Variants in FSBP observed in about 807,000 individuals in gnomAD.
FSBP encodes fibrinogen silencer-binding protein.
Under a neutral mutation model 24.6 loss-of-function variants are expected in FSBP, and 18 were observed. The observed-to-expected ratio is 0.73, with a 90% confidence interval of 0.51 to 1.08. FSBP has a LOEUF of 1.08. Ranked by LOEUF, FSBP falls within the 50% of genes least tolerant of loss-of-function variation. The pLI is 0.00. For synonymous variants in FSBP, 110 were observed against 125.8 expected, an observed-to-expected ratio of 0.87 and a Z score of 0.84; for missense variants, 305 against 347.6, an observed-to-expected ratio of 0.88 and a Z score of 0.98.
Position 94,430,884 on chromosome 8 carries a change from T to C in FSBP, c.*1247A>G. On this transcript the variant is annotated 3_prime_UTR_variant, in exon 2 of 2. Transcript: ENST00000481490. The stretch of plus-strand genomic sequence containing the variant: ...CCAGGATACTACAGCCCAAATTGAC[T>C]CTCTCTACATTCACTTAAAATCAAT... 2.0e-6 allele frequency: 2 copies of C among 985,376 alleles called. No individual in the cohort carries two copies. Among genetic ancestry groups the C allele is most frequent in the Non-Finnish European group, 2.4e-6 (2 of 829,920 alleles). The allele number at this position is 985,376 out of a possible 1,614,324, so 61.0% of individuals were successfully genotyped here. A position where few individuals can be genotyped will look rare whatever the true frequency, so the allele number is the denominator to read the frequency against.
intron 1 of FSBP, among the ~76,000 whole-genome samples, chr8:94,434,167 T>C (rs1254956418): frequency 1.3e-5 from 2 of 151,886 alleles, no homozygotes; most frequent in African/African-American, 2.4e-5. Context: ...AAGGCTAAAA[T>C]TGCATATGAA....
At position 94,430,295 on chromosome 8, in the gene FSBP, A is replaced by T; in HGVS notation, c.*1836T>A. 2 of 945,868 alleles carry T rather than the reference A, an allele frequency of 2.1e-6. No homozygotes were observed. The highest frequency in any genetic ancestry group is 9.8e-5 in the South Asian group (2 of 20,326). The allele number at this position is 945,868 out of a possible 1,614,324, so 58.6% of individuals were successfully genotyped here. ...CACTGCACTCCAACCTAGGTGACAA[A>T]GCAAGACTCCATCTCAAAAAAAAAA... On this transcript the variant is annotated 3_prime_UTR_variant, in exon 2 of 2. Coordinates refer to ENST00000481490, the MANE Select transcript of FSBP (RefSeq NM_001256141.2).
intron 1 of FSBP, among the ~76,000 whole-genome samples, chr8:94,435,180 G>A (rs966538330): frequency 6.6e-6 from 1 of 151,946 alleles, no homozygotes; most frequent in African/African-American, 2.4e-5. Flanking sequence ...GTAGTTTTCT[G>A]GATATCTAGC....
intron 1 of FSBP, among the ~76,000 whole-genome samples, chr8:94,435,598 A>C (rs1288589322): frequency 6.6e-6 from 1 of 152,086 alleles, no homozygotes; most frequent in Non-Finnish European, 1.5e-5. Context: ...TGCCATTTTT[A>C]TATTTTGCCA....
At chr8:94,435,897 A>T (rs1343537103) in intron 1 of FSBP, among the ~76,000 whole-genome samples, 1 of 152,154 alleles carries the variant, frequency 6.6e-6, no homozygotes, top group East Asian at 1.9e-4. Context: ...CTAATTAGGC[A>T]TTAACTCCCT....
At chr8:94,434,578 T>C (rs1812205667) in intron 1 of FSBP, among the ~76,000 whole-genome samples, 1 of 151,864 alleles carries the variant, frequency 6.6e-6, no homozygotes, top group African/African-American at 2.4e-5. Flanking sequence ...AAGGAAGAGT[T>C]TGGTAAGATT....
At position 94,430,186 on chromosome 8, in the gene FSBP, C is replaced by CT. The variant is rs1812053041; in HGVS notation, c.*1944dup. On this transcript the variant is annotated 3_prime_UTR_variant, in exon 2 of 2. Transcript: ENST00000481490. ...AAATTAGCCAGGCATGGTGGTGCGC[C>CT]TGTAGTCCCAGCTACTTGGGAAGCT... 3.3e-6 allele frequency: 2 copies of CT among 605,324 alleles called. No individual in the cohort carries two copies. The highest frequency in any genetic ancestry group is 4.0e-5 in the African/African-American group (2 of 49,562). 37.5% of individuals were successfully genotyped at this position (605,324 alleles called of 1,614,324 possible).
At chr8:94,432,682 A>C (rs930486292) in intron 1 of FSBP, 26 bp from the exon 2 acceptor site, 10 of 1,446,332 alleles carry the variant, frequency 6.9e-6, no homozygotes, top group Non-Finnish European at 9.1e-6. Context: ...AAGCATTATA[A>C]TATGTAAATC....
At position 94,431,942 on chromosome 8, in the gene FSBP, A is replaced by C. The variant is rs13275820; in HGVS notation, c.*189T>G. On this transcript the variant is annotated 3_prime_UTR_variant, in exon 2 of 2. Transcript: ENST00000481490. ...AAAAAAGAAGACAATAAAAACTATA[A>C]CCATGCCAACCAACCAGTAAATTTT... 7.8e-7 allele frequency: 1 copy of C among 1,279,520 alleles called. No individual in the cohort carries two copies. The highest frequency in any genetic ancestry group is 3.6e-5 in the Admixed American group (1 of 27,506). 79.3% of individuals were successfully genotyped at this position (1,279,520 alleles called of 1,614,324 possible). A position where few individuals can be genotyped will look rare whatever the true frequency, so the allele number is the denominator to read the frequency against.
chr8:94,434,537 T>C, intron 1 of FSBP, among the ~76,000 whole-genome samples: 1 of 151,868 alleles, frequency 6.6e-6, no homozygotes, highest in Non-Finnish European at 1.5e-5. Flanking sequence ...TTAAGTATGT[T>C]AACGCAAACA....
Position 94,430,064 on chromosome 8 carries a change from A to T in FSBP, c.*2067T>A, listed in dbSNP as rs1160167281. The T allele has an allele frequency of 1.0e-6, 1 of 975,316 alleles. No individual in the cohort carries two copies. The highest frequency in any genetic ancestry group is 1.2e-6 in the Non-Finnish European group (1 of 820,882). 60.4% of individuals were successfully genotyped at this position (975,316 alleles called of 1,614,324 possible). A position where few individuals can be genotyped will look rare whatever the true frequency, so the allele number is the denominator to read the frequency against. On this transcript the variant is annotated 3_prime_UTR_variant, in exon 2 of 2. Transcript: ENST00000481490. ...CACGGTGGCTCAAGCCTGTAATCCC[A>T]GCACTTTGGGAGGCCGAGGCGGGCA...
intron 1 of FSBP, among the ~76,000 whole-genome samples, chr8:94,435,495 T>C (rs1052871793): frequency 2.6e-5 from 4 of 151,964 alleles, no homozygotes; most frequent in African/African-American, 9.7e-5. Flanking sequence ...GAAAAGCACA[T>C]TGTGTAAAGC....
At chr8:94,435,915 T>C (rs1172374997) in intron 1 of FSBP, among the ~76,000 whole-genome samples, 2 of 152,180 alleles carry the variant, frequency 1.3e-5, no homozygotes, top group Non-Finnish European at 2.9e-5. Context: ...CCTTTAGTTG[T>C]GTTCATCTTT....
In FSBP at chr8:94,432,589, C is replaced by A. The variant is rs1454707379; in HGVS notation, c.442G>T (p.Val148Phe). The change falls in exon 2 of 2, where the codon GTT becomes TTT. Residue 148 changes from valine to phenylalanine, a missense_variant. Physicochemically the swap from Val to Phe is conservative, Grantham distance 50. Coordinates refer to ENST00000481490, the MANE Select transcript of FSBP (RefSeq NM_001256141.2). ...TGCTTCACCTCCACTGTAATAGCAA[C>A]AGGATGGTGATCCAACATTACCTGT... is the stretch of plus-strand genomic sequence containing the variant. The part of the protein sequence containing the change: ...SLQVMLDHHP[V>F]AITVEVKQEE... The A allele has an allele frequency of 2.6e-6, 4 of 1,550,106 alleles. No homozygotes were observed. The highest frequency in any genetic ancestry group is 2.6e-6 in the Non-Finnish European group (3 of 1,146,722).
At chr8:94,432,696 T>A in intron 1 of FSBP, 40 bp from the exon 2 acceptor site, 1 of 1,414,290 alleles carries the variant, frequency 7.1e-7, no homozygotes, top group Non-Finnish European at 9.3e-7. Context: ...GTAAATCAAA[T>A]GAAGAAAAAG....
chr8:94,431,030 C>T lies in FSBP; in HGVS notation c.*1101G>A. The stretch of plus-strand genomic sequence containing the variant: ...GGTCCCCTTCACTGCTGAAATTACA[C>T]CCACCCCATTCTACAACTTGGCTTA... On this transcript the variant is annotated 3_prime_UTR_variant, in exon 2 of 2. Transcript: ENST00000481490. 2 of 985,326 alleles carry T rather than the reference C, an allele frequency of 2.0e-6. No homozygotes were observed. The highest frequency in any genetic ancestry group is 2.4e-6 in the Non-Finnish European group (2 of 829,898). 61.0% of individuals were successfully genotyped at this position (985,326 alleles called of 1,614,324 possible).
chr8:94,432,740 C>A, intron 1 of FSBP, 84 bp from the exon 2 acceptor site: 4 of 1,351,952 alleles, frequency 3.0e-6, no homozygotes, highest in Non-Finnish European at 2.9e-6. Context: ...ATTTAATGTA[C>A]ATTAAATGAT....
intron 1 of FSBP, among the ~76,000 whole-genome samples, chr8:94,434,453 A>G (rs1342055805): frequency 4.6e-5 from 7 of 151,936 alleles, no homozygotes; most frequent in Non-Finnish European, 1.0e-4. Flanking sequence ...TGATATTAGG[A>G]AGAGGTAAAA....
In FSBP at chr8:94,428,284, T is replaced by G. The variant is rs1381484580; in HGVS notation, c.*3847A>C. The G allele has an allele frequency of 2.0e-6, 2 of 978,326 alleles. No homozygotes were observed. Among genetic ancestry groups the G allele is most frequent in the African/African-American group, 3.5e-5 (2 of 57,068 alleles). 60.6% of individuals were successfully genotyped at this position (978,326 alleles called of 1,614,324 possible). On this transcript the variant is annotated 3_prime_UTR_variant, in exon 2 of 2. Transcript: ENST00000481490. The stretch of plus-strand genomic sequence containing the variant: ...TTCTCTATGTTCTCCCAGCATTACA[T>G]TTTGTAATTAAAGCTCATGGACCCC...
Sources: allele counts gnomAD v4.1 joint callset (sites outside exome capture counted in the v4.1 genomes callset), GRCh38; gene constraint gnomAD v4.1.1; transcripts MANE v1.5; gene names NCBI Gene and HGNC (gene_info 2026-07-23, HGNC 2026-07-21).